ENTPD5: variants seen among roughly 807,000 people sequenced by gnomAD.
ENTPD5 encodes ectonucleoside triphosphate diphosphohydrolase 5 (inactive).
ENTPD5 carries 49 observed loss-of-function variants against 60.2 expected under a neutral mutation model. The observed-to-expected ratio is 0.81, with a 90% CI of 0.65 to 1.03. The LOEUF (loss-of-function observed/expected upper bound fraction) is 1.03, where lower values mean the gene tolerates loss of function less well. Ranked by LOEUF, ENTPD5 falls within the 50% of genes least tolerant of loss-of-function variation. ENTPD5 has a pLI of 0.00. For missense variants in ENTPD5, 480 were observed against 507.6 expected (o/e 0.95, Z 0.52); for synonymous variants, 187 against 185.4 (o/e 1.01, Z -0.07).
intron 3 of ENTPD5, among the ~76,000 whole-genome samples, chr14:74,006,027 T>C (rs908172893): frequency 6.6e-6 from 1 of 152,018 alleles, no homozygotes; most frequent in Non-Finnish European, 1.5e-5. Context: ...TTACTCTTGT[T>C]CCCCAGGCTG....
Position 73,972,831 on chromosome 14 carries a change from C to T in ENTPD5, c.1027+53G>A. 2.5e-6 allele frequency: 4 copies of T among 1,588,346 alleles called. No individual in the cohort carries two copies. The South Asian group carries it at 4.6e-5, about 18-fold the overall frequency. On this transcript the variant is annotated intron_variant, in intron 13 of 15. Coordinates refer to ENST00000334696, the MANE Select transcript of ENTPD5 (RefSeq NM_001249.5). ...AGTGCTCTTTCTCCTTGACCTTCCCCACCACAGCCCTATCCACCTTCCTCT... is the reference window on the plus strand; with the variant it reads ...AGTGCTCTTTCTCCTTGACCTTCCCTACCACAGCCCTATCCACCTTCCTCT...
intron 2 of ENTPD5, among the ~76,000 whole-genome samples, chr14:74,014,390 C>T (rs368567638): frequency 2.7e-5 from 4 of 149,746 alleles, no homozygotes; most frequent in South Asian, 2.2e-4. Context: ...TCCCCCCCCC[C>T]ACAAAAAAAA....
chr14:73,987,519 A>T (rs1240878195), intron 4 of ENTPD5, among the ~76,000 whole-genome samples: 1 of 152,044 alleles, frequency 6.6e-6, no homozygotes, highest in Non-Finnish European at 1.5e-5. Flanking sequence ...AAAAAAATTT[A>T]AAAATGAGCT....
downstream of ENTPD5, chr14:73,962,902 T>C: frequency 3.1e-6 from 4 of 1,310,126 alleles, no homozygotes; most frequent in Non-Finnish European, 4.4e-6. Context: ...ACGTGATTAT[T>C]ATCTACAATA....
chr14:74,010,199 T>A lies in ENTPD5; in HGVS notation c.-71+892A>T, dbSNP rs180910016. Among the ~76,000 whole-genome samples, 59 of 152,100 alleles carry A rather than the reference T, an allele frequency of 3.9e-4. 1 individual carries two copies. The East Asian group carries it at 7.5e-3, about 19-fold the overall frequency. On this transcript the variant is annotated intron_variant, in intron 3 of 15. Coordinates refer to ENST00000334696, the MANE Select transcript of ENTPD5 (RefSeq NM_001249.5). ...GCCTCAGCCTCCCAAGTCCCAAACC[T>A]CTCAAGGGATTACAAGTGTGAGCCA...
intron 5 of ENTPD5, among the ~76,000 whole-genome samples, chr14:73,985,739 CTAG>C (rs2057872700): frequency 6.6e-6 from 1 of 151,954 alleles, no homozygotes; most frequent in Non-Finnish European, 1.5e-5. Flanking sequence ...CCAAATTTTT[CTAG>C]TAGATTTGCT....
At chr14:73,957,098 A>G (rs181739324), downstream of ENTPD5, among the ~76,000 whole-genome samples, 1 of 127,434 alleles carries the variant, frequency 7.8e-6, no homozygotes, top group Admixed American at 8.0e-5. Context: ...TATTATTATT[A>G]TTATTTTTTT....
At chr14:73,960,571 C>G (rs918269123), downstream of ENTPD5, 18 of 1,024,378 alleles carry the variant, frequency 1.8e-5, no homozygotes, top group Admixed American at 2.5e-4. Flanking sequence ...TGGCACAGGT[C>G]TAGGTCCTCT....
At chr14:73,962,973 C>T (rs778363311), downstream of ENTPD5, 2 of 1,608,052 alleles carry the variant, frequency 1.2e-6, no homozygotes, top group East Asian at 2.2e-5. Context: ...TCTCCAGGAA[C>T]AGATTATGGC....
rs757242355 is a variant in ENTPD5 at position 73,972,992 on chromosome 14, C to G, written c.919G>C (p.Val307Leu). The G allele has an allele frequency of 1.2e-6, 2 of 1,614,230 alleles. No homozygotes were observed. Among genetic ancestry groups the G allele is most frequent in the Non-Finnish European group, 1.7e-6 (2 of 1,180,042 alleles). ...EVGFEPCYAEVLRVVRGKLHQ... is the reference protein window; with the variant it reads ...EVGFEPCYAELLRVVRGKLHQ... ...AGTTTTCCTCGTACCACCCTCAGCA[C>G]TTCGGCATAGCAGGGCTCAAAGCCC... is the stretch of plus-strand genomic sequence containing the variant. Residue 307 changes from valine to leucine, a missense_variant, in exon 13 of 16, where the codon GTG becomes CTG. By Grantham distance (32) the Val-to-Leu change is conservative (BLOSUM62 1). Coordinates refer to ENST00000334696, the MANE Select transcript of ENTPD5 (RefSeq NM_001249.5).
chr14:73,987,492 C>T (rs35864336), intron 4 of ENTPD5, among the ~76,000 whole-genome samples: 22,592 of 151,786 alleles, frequency 0.15, 2,206 homozygotes, highest in East Asian at 0.34. Context: ...TTGAGGCCAG[C>T]CTGAGCAGGT....
At position 73,987,970 on chromosome 14, in the gene ENTPD5, C is replaced by T. The variant is rs112009867; in HGVS notation, c.133G>A (p.Ala45Thr). The T allele has an allele frequency of 1.2e-4, 193 of 1,613,968 alleles. No homozygotes were observed. The highest frequency in any genetic ancestry group is 1.5e-4 in the African/African-American group (11 of 74,920). ...LSSMCPINVSASTLYGIMFDA... is the reference protein window; with the variant it reads ...LSSMCPINVSTSTLYGIMFDA... ...AACATAATTCCATACAAGGTGCTGG[C>T]GCTGACATTGATGGGGCACATGGAA... Residue 45 changes from alanine (A) to threonine (T), a missense_variant, in exon 4 of 16, where the codon GCC (alanine) becomes ACC (threonine). Coordinates refer to ENST00000334696, the MANE Select transcript of ENTPD5 (RefSeq NM_001249.5).
chr14:73,963,980 A>C lies in ENTPD5; in HGVS notation c.*2948T>G, dbSNP rs1310138379. Reference sequence around the variant, plus strand: ...AAGAGTCTAGAACAAAAAAGTGACAATGTCACAACCTTGCTGGAATCTCAG... The same window carrying C: ...AAGAGTCTAGAACAAAAAAGTGACACTGTCACAACCTTGCTGGAATCTCAG... On this transcript the variant is annotated 3_prime_UTR_variant, in exon 16 of 16. Transcript: ENST00000334696. 3 of 152,222 alleles carry C rather than the reference A, an allele frequency of 2.0e-5. No individual in the cohort carries two copies. The highest frequency in any genetic ancestry group is 4.4e-5 in the Non-Finnish European group (3 of 68,036). The allele number at this position is 152,222 out of a possible 1,614,324, so 9.4% of individuals were successfully genotyped here.
At chr14:74,012,278 A>C (rs980508066) in intron 2 of ENTPD5, among the ~76,000 whole-genome samples, 9 of 140,166 alleles carry the variant, frequency 6.4e-5, no homozygotes, top group Non-Finnish European at 9.2e-5. Context: ...CTAATTTTTT[A>C]TTTTTAGTAG....
At chr14:74,012,300 T>G (rs1019046297) in intron 2 of ENTPD5, among the ~76,000 whole-genome samples, 18 of 149,258 alleles carry the variant, frequency 1.2e-4, no homozygotes, top group East Asian at 6.0e-4. Context: ...GAGGGGGGGG[T>G]TTCATTATGT....
chr14:74,001,536 C>T (rs570493924), intron 3 of ENTPD5, among the ~76,000 whole-genome samples: 5 of 150,040 alleles, frequency 3.3e-5, no homozygotes, highest in East Asian at 2.0e-4. Context: ...GGCATGGTGG[C>T]GGGCACCTGT....
At chr14:73,978,005 G>A (rs1448136638) in intron 6 of ENTPD5, among the ~76,000 whole-genome samples, 3 of 151,958 alleles carry the variant, frequency 2.0e-5, no homozygotes, top group Admixed American at 6.6e-5. Context: ...AATTATCAAG[G>A]GAAAGAAAAA....
intron 11 of ENTPD5, 136 bp downstream of exon 11, chr14:73,974,788 G>T: frequency 2.8e-6 from 2 of 722,412 alleles, no homozygotes; most frequent in East Asian, 2.5e-5. Flanking sequence ...CCATTATTAG[G>T]TCCATTATAC....
downstream of ENTPD5, chr14:73,959,024 T>C: frequency 6.2e-7 from 1 of 1,614,194 alleles, no homozygotes; most frequent in South Asian, 1.1e-5. Flanking sequence ...GAATCCAGAA[T>C]GTGAGCTGGA....
Sources: allele counts gnomAD v4.1 joint callset (sites outside exome capture counted in the v4.1 genomes callset), GRCh38; gene constraint gnomAD v4.1.1; transcripts MANE v1.5; gene names NCBI Gene and HGNC (gene_info 2026-07-23, HGNC 2026-07-21).